CHODL: variants seen among roughly 807,000 people sequenced by gnomAD.
CHODL encodes the protein chondrolectin.
Under a neutral mutation model 34.5 loss-of-function variants are expected in CHODL, and 29 were observed. The observed-to-expected ratio is 0.84, with a 90% CI of 0.63 to 1.15. The LOEUF is 1.15. Among genes scored for constraint, CHODL ranks in the 50% most tolerant of loss-of-function variants. The probability of loss-of-function intolerance (pLI) is 0.00; values close to 1 mark genes in which losing one functional copy is unlikely to be tolerated. For missense variants in CHODL, 332 were observed against 332.5 expected, an observed-to-expected ratio of 1.00 and a Z score of 0.01; for synonymous variants, 125 against 116.1, an observed-to-expected ratio of 1.08 and a Z score of -0.49.
At chr21:18,193,186 T>C (rs555837447) in intron 2 of CHODL, among the ~76,000 whole-genome samples, 3 of 152,246 alleles carry the variant, frequency 2.0e-5, no homozygotes, top group Admixed American at 2.0e-4. Context: ...GAAGGACAAG[T>C]TGGCTAAAGT....
chr21:18,182,652 T>C (rs1445181622), intron 2 of CHODL, among the ~76,000 whole-genome samples: 1 of 152,240 alleles, frequency 6.6e-6, no homozygotes, highest in Non-Finnish European at 1.5e-5. Flanking sequence ...TGGAAAGATG[T>C]AAAAATTCTA....
At chr21:18,091,641 C>T (rs111563668) in intron 2 of CHODL, among the ~76,000 whole-genome samples, 6,689 of 152,214 alleles carry the variant, frequency 0.044, 487 homozygotes, top group African/African-American at 0.15. Flanking sequence ...GAGAAACAAG[C>T]TGGGCATTTG....
At chr21:18,063,944 T>C (rs1568867452) in intron 2 of CHODL, among the ~76,000 whole-genome samples, 3 of 152,182 alleles carry the variant, frequency 2.0e-5, no homozygotes, top group Non-Finnish European at 4.4e-5. Flanking sequence ...TAGCTGCTTG[T>C]CACTAAAGTT....
chr21:18,194,065 C>A (rs772457497), intron 2 of CHODL, among the ~76,000 whole-genome samples: 38 of 152,054 alleles, frequency 2.5e-4, no homozygotes, highest in Middle Eastern at 3.4e-3. Flanking sequence ...GCCACTGCTA[C>A]CCCCCTGTGA....
At chr21:18,078,520 CT>C (rs1351046395) in intron 2 of CHODL, among the ~76,000 whole-genome samples, 1 of 152,138 alleles carries the variant, frequency 6.6e-6, no homozygotes, top group African/African-American at 2.4e-5. Context: ...ATTAAATGTA[CT>C]AAAAAGCAGT....
rs201494977 is a variant in CHODL, at chr21:18,055,926, CTCTT to C, written c.-45+27959_-45+27962del. Among the ~76,000 whole-genome samples the C allele has an allele frequency of 6.2e-3, 939 of 152,112 alleles. 14 individuals are homozygous for C. Among genetic ancestry groups the C allele is most frequent in the African/African-American group, 0.021 (878 of 41,554 alleles). ...TTAATGGTGACATGATGATATCTCTCTCTTTCTGTCTCTTTTTGTCATAATGTTT... is the reference window on the plus strand; with the variant it reads ...TTAATGGTGACATGATGATATCTCTCTCTGTCTCTTTTTGTCATAATGTTT... On this transcript the variant is annotated intron_variant, in intron 2 of 6. Coordinates refer to the CHODL transcript ENST00000400127.
chr21:18,258,569 C>T (rs1014185688), intron 3 of CHODL, among the ~76,000 whole-genome samples: 3 of 151,940 alleles, frequency 2.0e-5, no homozygotes, highest in Non-Finnish European at 4.4e-5. Context: ...ATTAGGTAAT[C>T]TAGGTTTACA....
chr21:18,216,007 T>A (rs2073824175), intron 2 of CHODL, among the ~76,000 whole-genome samples: 1 of 152,114 alleles, frequency 6.6e-6, no homozygotes, highest in Non-Finnish European at 1.5e-5. Context: ...GTATTATTTA[T>A]CTTTTTCCTT....
intron 1 of CHODL, among the ~76,000 whole-genome samples, chr21:17,982,868 C>T (rs73323246): frequency 0.011 from 1,641 of 151,258 alleles, 29 homozygotes; most frequent in African/African-American, 0.038. Flanking sequence ...GAACCACCCA[C>T]TCCCTCCAAC....
At chr21:17,982,696 CTTTTTTT>C (rs397867753) in intron 1 of CHODL, among the ~76,000 whole-genome samples, 6 of 62,980 alleles carry the variant, frequency 9.5e-5, no homozygotes, top group Non-Finnish European at 1.6e-4. Context: ...TATATATATT[CTTTTTTT>C]TTTTTTTTTT....
At chr21:17,935,005 G>C (rs1431540285) in intron 1 of CHODL, among the ~76,000 whole-genome samples, 1 of 152,060 alleles carries the variant, frequency 6.6e-6, no homozygotes, top group Non-Finnish European at 1.5e-5. Context: ...AATATTTCCT[G>C]GCACCTTTTT....
chr21:18,062,514 C>T (rs916260061), intron 2 of CHODL, among the ~76,000 whole-genome samples: 1 of 151,992 alleles, frequency 6.6e-6, no homozygotes, highest in African/African-American at 2.4e-5. Flanking sequence ...GACTGTAATC[C>T]CAGCACTTTG....
chr21:17,935,527 C>A (rs1313004187), intron 1 of CHODL, among the ~76,000 whole-genome samples: 2 of 152,130 alleles, frequency 1.3e-5, no homozygotes, highest in Non-Finnish European at 2.9e-5. Context: ...TGTTTCATGG[C>A]AGAGACATTT....
intron 2 of CHODL, among the ~76,000 whole-genome samples, chr21:18,174,154 T>C (rs1423711182): frequency 7.5e-6 from 1 of 133,020 alleles, no homozygotes; most frequent in Non-Finnish European, 1.6e-5. Context: ...TATATATATA[T>C]ATATATAAAA....
In CHODL at chr21:18,008,362, C is replaced by T. The variant is rs184699748; in HGVS notation, c.-144-19510C>T. Among the ~76,000 whole-genome samples the T allele has an allele frequency of 2.7e-4, 41 of 152,058 alleles. No individual in the cohort carries two copies. The East Asian group carries it at 7.9e-3, about 29-fold the overall frequency. On this transcript the variant is annotated intron_variant, in intron 1 of 6. Transcript: ENST00000400127. ...GTAACAATAGTTAACATTAAATCTACCCTCTTAACATATCATAAAGTGCAC... is the reference window on the plus strand; with the variant it reads ...GTAACAATAGTTAACATTAAATCTATCCTCTTAACATATCATAAAGTGCAC...
chr21:18,134,060 AT>A (rs2072691092), intron 2 of CHODL, among the ~76,000 whole-genome samples: 1 of 152,138 alleles, frequency 6.6e-6, no homozygotes, highest in African/African-American at 2.4e-5. Flanking sequence ...AATAGTAATA[AT>A]TTTTCTAAGC....
intron 2 of CHODL, among the ~76,000 whole-genome samples, chr21:18,042,896 GT>G (rs2146456304): frequency 6.6e-6 from 1 of 151,932 alleles, no homozygotes; most frequent in East Asian, 1.9e-4. Context: ...TTTAAGAATG[GT>G]CATGTTCTGG....
At chr21:18,219,298 C>T (rs1364600073) in intron 2 of CHODL, among the ~76,000 whole-genome samples, 1 of 152,042 alleles carries the variant, frequency 6.6e-6, no homozygotes, top group Admixed American at 6.6e-5. Flanking sequence ...AGGAGAAGTG[C>T]CAAATAAAAG....
Position 18,256,505 on chromosome 21 carries a change from T to TC in CHODL, c.80-3dup. 1.3e-6 allele frequency: 2 copies of TC among 1,575,768 alleles called. No homozygotes were observed. Among genetic ancestry groups the TC allele is most frequent in the Non-Finnish European group, 1.7e-6 (2 of 1,164,700 alleles). On this transcript the variant is annotated splice_region_variant and splice_polypyrimidine_tract_variant and intron_variant, in intron 1 of 5. Coordinates refer to ENST00000299295, the MANE Select transcript of CHODL (RefSeq NM_024944.3). ...ATATATGGGCATCTTTTTTTTTTTT[T>TC]CAGGCCAAAAGGTGTGTTTTGCTGA...
Sources: allele counts gnomAD v4.1 joint callset (sites outside exome capture counted in the v4.1 genomes callset), GRCh38; gene constraint gnomAD v4.1.1; transcripts MANE v1.5; gene names NCBI Gene and HGNC (gene_info 2026-07-23, HGNC 2026-07-21).